Variants in CLASRP observed in about 807,000 individuals in gnomAD.
CLASRP encodes the protein CLK4 associating serine/arginine rich protein.
CLASRP carries 52 observed loss-of-function variants against 99.9 expected under a neutral mutation model. That is an observed-to-expected ratio of 0.52 (90% CI 0.42 to 0.66). The LOEUF is 0.66. CLASRP is among the 30% of genes least tolerant of loss of function. The pLI, the probability that CLASRP is intolerant of heterozygous loss-of-function variation, is 0.00. For synonymous variants in CLASRP, 379 were observed against 373.0 expected, an observed-to-expected ratio of 1.02 and a Z score of -0.18; for missense variants, 848 against 999.2, an observed-to-expected ratio of 0.85 and a Z score of 2.04.
chr19:45,070,055 G>C lies in CLASRP; in HGVS notation c.1908G>C (p.Glu636Asp), dbSNP rs773700542. 1 of 1,610,350 alleles carries C rather than the reference G, an allele frequency of 6.2e-7. No homozygotes were observed. Among genetic ancestry groups the C allele is most frequent in the Non-Finnish European group, 8.5e-7 (1 of 1,176,566 alleles). Reference protein sequence around the residue: ...ERERREKEREEWERQYSRQSR... With the variant: ...ERERREKEREDWERQYSRQSR... ...AACGCCGAGAGAAGGAGAGAGAAGA[G>C]TGGGAACGCCAGTACAGCCGGCAGA... is the stretch of plus-strand genomic sequence containing the variant. The change falls in exon 19 of 21, where the codon GAG (glutamate) becomes GAC (aspartate). Residue 636 changes from glutamate (E) to aspartate (D), a missense_variant. Around this residue, in one of 8 missense-constraint regions of CLASRP, gnomAD observed 116 missense variants for 162.7 expected, o/e 0.71. Transcript: ENST00000221455.
chr19:45,052,965 T>A, intron 4 of CLASRP, 73 bp downstream of exon 4: 1 of 1,525,138 alleles, frequency 6.6e-7, no homozygotes, highest in Non-Finnish European at 9.0e-7. Flanking sequence ...CCAGCCTACC[T>A]GTCACCTTCC....
chr19:45,058,362 C>T (rs879504238), intron 7 of CLASRP: 2 of 157,878 alleles, frequency 1.3e-5, no homozygotes, highest in Admixed American at 6.1e-5. Flanking sequence ...CTGGTTCTTA[C>T]TCCAGCAACT....
Position 45,068,203 on chromosome 19 carries a change from G to C in CLASRP, c.1707+149G>C, listed in dbSNP as rs1967137888. The C allele has an allele frequency of 5.6e-6, 4 of 717,334 alleles. No individual in the cohort carries two copies. In the Admixed American group the frequency reaches 8.5e-5, roughly 15 times the overall value. 44.4% of individuals were successfully genotyped at this position (717,334 alleles called of 1,614,324 possible). On this transcript the variant is annotated intron_variant, in intron 15 of 20. Coordinates refer to ENST00000221455, the MANE Select transcript of CLASRP (RefSeq NM_007056.3). ...GGAGGGGAAGGGTCTGCCCCTGTGA[G>C]AACCATGTCCCTCTCCCCTCCTCAC... is the stretch of plus-strand genomic sequence containing the variant.
At chr19:45,048,608 T>C (rs567834626) in intron 2 of CLASRP, among the ~76,000 whole-genome samples, 3 of 151,740 alleles carry the variant, frequency 2.0e-5, no homozygotes, top group Non-Finnish European at 1.5e-5. Context: ...CATCTGGGTT[T>C]GAATCCTAGT....
At chr19:45,056,379 C>G (rs565923382) in intron 5 of CLASRP, 71 bp from the exon 6 acceptor site, 1 of 1,399,304 alleles carries the variant, frequency 7.1e-7, no homozygotes, top group African/African-American at 1.4e-5. Flanking sequence ...CCCCACCGCA[C>G]CCTTGTGTTC....
At chr19:45,069,309 C>A in intron 18 of CLASRP, 61 bp downstream of exon 18, 1 of 1,555,492 alleles carries the variant, frequency 6.4e-7, no homozygotes, top group Non-Finnish European at 8.8e-7. Context: ...GCCTTCCCAC[C>A]ATGGGCTGCT....
At chr19:45,070,240 G>A in intron 19 of CLASRP, 136 bp downstream of exon 19, 6 of 690,062 alleles carry the variant, frequency 8.7e-6, no homozygotes, top group Non-Finnish European at 2.6e-6. Flanking sequence ...GCTGAGGTGG[G>A]TGGATCAATC....
Position 45,056,299 on chromosome 19 carries a change from A to G in CLASRP, c.380-151A>G, listed in dbSNP as rs117701768. The stretch of plus-strand genomic sequence containing the variant: ...CTGCTGCAGTTGCTTGTGTCCCACC[A>G]GACATAGTTTGATTATCTGGAAGTG... On this transcript the variant is annotated intron_variant, in intron 5 of 20. Coordinates refer to ENST00000221455, the MANE Select transcript of CLASRP (RefSeq NM_007056.3). 3.9e-3 allele frequency: 2,627 copies of G among 667,494 alleles called. 5 individuals carry two copies. The highest frequency in any genetic ancestry group is 5.8e-3 in the Non-Finnish European group (2,160 of 373,116). The allele number at this position is 667,494 out of a possible 1,614,324, so 41.3% of individuals were successfully genotyped here. A position where few individuals can be genotyped will look rare whatever the true frequency, so the allele number is the denominator to read the frequency against.
In CLASRP at chr19:45,052,777, C is replaced by T. The variant is rs1346044725; in HGVS notation, c.198-14C>T. The T allele has an allele frequency of 6.3e-7, 1 of 1,599,322 alleles. No individual in the cohort carries two copies. The highest frequency in any genetic ancestry group is 8.6e-7 in the Non-Finnish European group (1 of 1,169,370). On this transcript the variant is annotated splice_polypyrimidine_tract_variant and intron_variant, in intron 3 of 20. Coordinates refer to ENST00000221455, the MANE Select transcript of CLASRP (RefSeq NM_007056.3). ...CCCTGAGGTTCTTGCTTTCTTGCTCCCCTCCCACTTCAGGATGCCCTGGCA... is the reference window on the plus strand; with the variant it reads ...CCCTGAGGTTCTTGCTTTCTTGCTCTCCTCCCACTTCAGGATGCCCTGGCA...
At chr19:45,070,737 C>T in intron 20 of CLASRP, 66 bp from the exon 21 acceptor site, 5 of 1,417,566 alleles carry the variant, frequency 3.5e-6, no homozygotes, top group Middle Eastern at 1.7e-4. Flanking sequence ...ACTGAAGCAT[C>T]CACGGCCCCA....
At chr19:45,066,259 A>G (rs1967085105) in intron 13 of CLASRP, among the ~76,000 whole-genome samples, 1 of 151,776 alleles carries the variant, frequency 6.6e-6, no homozygotes, top group South Asian at 2.1e-4. Context: ...AGCTGGGATT[A>G]CAGGCATGCG....
chr19:45,052,999 C>T lies in CLASRP; in HGVS notation c.300-99C>T, dbSNP rs73941105. 3.2e-3 allele frequency: 4,892 copies of T among 1,528,724 alleles called. 132 individuals carry two copies. In the African/African-American group the frequency reaches 0.055, roughly 17 times the overall value. 94.7% of individuals were successfully genotyped at this position (1,528,724 alleles called of 1,614,324 possible). A position where few individuals can be genotyped will look rare whatever the true frequency, so the allele number is the denominator to read the frequency against. On this transcript the variant is annotated intron_variant, in intron 4 of 20. Transcript: ENST00000221455. ...CCTAGGAGCCGTTCCTATTTGGTAC[C>T]GCCCTGAGCCTGAGGGGGATGCCTC... is the stretch of plus-strand genomic sequence containing the variant.
intron 5 of CLASRP, among the ~76,000 whole-genome samples, chr19:45,055,162 C>G (rs1972098154): frequency 6.6e-6 from 1 of 152,180 alleles, no homozygotes; most frequent in South Asian, 2.1e-4. Context: ...AGGGCAGCAG[C>G]TCCATAATCA....
At chr19:45,045,680 G>A (rs1347985173) in intron 2 of CLASRP, among the ~76,000 whole-genome samples, 2 of 152,156 alleles carry the variant, frequency 1.3e-5, no homozygotes, top group African/African-American at 4.8e-5. Flanking sequence ...TGTAGCAAAG[G>A]GAATAGATGT....
intron 10 of CLASRP, 31 bp from the exon 11 acceptor site, chr19:45,062,123 A>T: frequency 7.4e-7 from 1 of 1,345,812 alleles, no homozygotes; most frequent in Non-Finnish European, 1.1e-6. Flanking sequence ...CTTAAGCCCT[A>T]ATTTGTCCCA....
At chr19:45,051,696 C>A (rs762933202) in intron 2 of CLASRP, among the ~76,000 whole-genome samples, 1 of 151,572 alleles carries the variant, frequency 6.6e-6, no homozygotes, top group Non-Finnish European at 1.5e-5. Context: ...AGGCCGGGCG[C>A]GGTGACTCAT....
intron 18 of CLASRP, 34 bp downstream of exon 18, chr19:45,069,282 ACCT>A (rs1349820257): frequency 3.5e-5 from 56 of 1,604,716 alleles, no homozygotes; most frequent in Non-Finnish European, 4.5e-5. Context: ...CCATGGCCAC[ACCT>A]CCTGGCCTGC....
rs1967107113 is a variant in CLASRP, at chr19:45,067,271, C to T, written c.1410-66C>T. ...GGAAGGAGGACTGTGGATCCGGACC[C>T]AGGGTGGGGTGCGGTTGGGGTCCCT... On this transcript the variant is annotated intron_variant, in intron 13 of 20. Coordinates refer to ENST00000221455, the MANE Select transcript of CLASRP (RefSeq NM_007056.3). This position sits in a 1 kb window ranked among gnomAD's most constrained non-coding sequence, Gnocchi z 4.9. The T allele has an allele frequency of 6.9e-7, 1 of 1,440,758 alleles. No homozygotes were observed. Among genetic ancestry groups the T allele is most frequent in the East Asian group, 2.5e-5 (1 of 39,522 alleles). 89.2% of individuals were successfully genotyped at this position (1,440,758 alleles called of 1,614,324 possible). A position where few individuals can be genotyped will look rare whatever the true frequency, so the allele number is the denominator to read the frequency against.
chr19:45,054,254 T>G (rs1273175592), intron 5 of CLASRP, among the ~76,000 whole-genome samples: 1 of 150,884 alleles, frequency 6.6e-6, no homozygotes, highest in African/African-American at 2.5e-5. Context: ...GTTTTGGGGT[T>G]TTTTGTTTTT....
Sources: gnomAD v4.1 joint callset for allele counts (sites outside exome capture counted in the v4.1 genomes callset) on GRCh38, gnomAD v4.1.1 for gene constraint, gnomAD v4.1.1 regional missense constraint, Gnocchi (gnomAD v3.1) non-coding constraint, MANE v1.5 for transcripts, NCBI Gene and HGNC (gene_info 2026-07-23, HGNC 2026-07-21) for gene names.